Variants in CSMD1 observed in about 807,000 individuals in gnomAD.
CSMD1 encodes the protein CUB and sushi domain-containing protein 1.
In CSMD1, 213 loss-of-function variants were observed where a neutral mutation model predicts 417.5. The observed-to-expected ratio is 0.51, with a 90% CI of 0.46 to 0.57. The LOEUF (loss-of-function observed/expected upper bound fraction) is 0.57. Among genes scored for constraint, CSMD1 ranks in the 20% least tolerant of loss-of-function variants. The probability of loss-of-function intolerance (pLI) is 0.00; values close to 1 mark genes in which losing one functional copy is unlikely to be tolerated. For missense variants in CSMD1, 6,923 were observed against 4,529.7 expected (o/e 1.53, Z -15.17); for synonymous variants, 2,862 against 1,736.8 (o/e 1.65, Z -16.11).
intron 5 of CSMD1, among the ~76,000 whole-genome samples, chr8:3,824,794 A>T (rs1029584663): frequency 6.6e-6 from 1 of 152,122 alleles, no homozygotes; most frequent in Non-Finnish European, 1.5e-5. Flanking sequence ...CAGAGTTCTA[A>T]GGTCTAAACT....
intron 1 of CSMD1, among the ~76,000 whole-genome samples, chr8:4,961,510 C>T (rs1412694675): frequency 6.6e-6 from 1 of 152,052 alleles, no homozygotes; most frequent in Admixed American, 6.6e-5. Flanking sequence ...CAATAAGTAT[C>T]CATTAGTTTG....
intron 2 of CSMD1, among the ~76,000 whole-genome samples, chr8:4,464,453 G>T (rs185396761): frequency 6.6e-6 from 1 of 152,098 alleles, no homozygotes; most frequent in Non-Finnish European, 1.5e-5. Flanking sequence ...ACGCACATTA[G>T]CCTACAGCTG....
intron 23 of CSMD1, among the ~76,000 whole-genome samples, chr8:3,342,588 C>T (rs961293388): frequency 1.3e-5 from 2 of 152,166 alleles, no homozygotes; most frequent in Non-Finnish European, 2.9e-5. Context: ...CAAATTCCTA[C>T]TTTTGAAACA....
intron 26 of CSMD1, among the ~76,000 whole-genome samples, chr8:3,252,093 A>C (rs1012566925): frequency 6.6e-6 from 1 of 152,214 alleles, no homozygotes; most frequent in Non-Finnish European, 1.5e-5. Flanking sequence ...AACTTCCAAC[A>C]CTATGTTGAA....
At chr8:3,919,403 C>G (rs1809068805) in intron 5 of CSMD1, among the ~76,000 whole-genome samples, 1 of 152,046 alleles carries the variant, frequency 6.6e-6, no homozygotes, top group Non-Finnish European at 1.5e-5. Context: ...CTCTTTTCCC[C>G]CATTGTGTCT....
intron 3 of CSMD1, among the ~76,000 whole-genome samples, chr8:4,357,277 G>C (rs1046471341): frequency 1.3e-5 from 2 of 152,140 alleles, no homozygotes; most frequent in Non-Finnish European, 2.9e-5. Flanking sequence ...TAACCTTATA[G>C]ATCTCATCTG....
intron 1 of CSMD1, among the ~76,000 whole-genome samples, chr8:4,909,882 G>T (rs186300331): frequency 3.5e-4 from 54 of 152,202 alleles, no homozygotes; most frequent in East Asian, 3.3e-3. Flanking sequence ...ATTGATTTGG[G>T]GTTTGCCCAG....
chr8:4,317,134 A>G (rs1457427455), intron 3 of CSMD1, among the ~76,000 whole-genome samples: 1 of 152,160 alleles, frequency 6.6e-6, no homozygotes, highest in African/African-American at 2.4e-5. Context: ...ATCATCATCT[A>G]AGGTTGAATA....
chr8:3,205,003 A>C (rs940569098), intron 31 of CSMD1, among the ~76,000 whole-genome samples: 8 of 152,192 alleles, frequency 5.3e-5, no homozygotes, highest in African/African-American at 1.9e-4. Context: ...GGGAAACAGG[A>C]AGTCAGGGTT....
chr8:3,512,231 A>G (rs1798334042), intron 10 of CSMD1, among the ~76,000 whole-genome samples: 1 of 152,206 alleles, frequency 6.6e-6, no homozygotes, highest in African/African-American at 2.4e-5. Context: ...TCGCGGGTCC[A>G]CGTGCAGAAC....
At chr8:4,894,307 T>G (rs1447187186) in intron 1 of CSMD1, among the ~76,000 whole-genome samples, 2 of 152,090 alleles carry the variant, frequency 1.3e-5, no homozygotes, top group African/African-American at 4.8e-5. Flanking sequence ...TTTATATACA[T>G]TTTTCATTTT....
rs955171389 is a variant in CSMD1 at position 3,038,837 on chromosome 8, C to T, written c.7661-9324G>A. Among the ~76,000 whole-genome samples, 13 of 152,204 alleles carry T rather than the reference C, an allele frequency of 8.5e-5. No individual in the cohort carries two copies. The East Asian group carries it at 1.7e-3, about 20-fold the overall frequency. ...ACGACCTTAAACCTTAATGCTATTACGGATTTGGCACAGTTAGTGCCATGA... is the reference window on the plus strand; with the variant it reads ...ACGACCTTAAACCTTAATGCTATTATGGATTTGGCACAGTTAGTGCCATGA... On this transcript the variant is annotated intron_variant, in intron 50 of 69. Coordinates refer to ENST00000635120, the MANE Select transcript of CSMD1 (RefSeq NM_033225.6).
intron 5 of CSMD1, among the ~76,000 whole-genome samples, chr8:3,907,751 T>C (rs916892092): frequency 1.3e-5 from 2 of 152,188 alleles, no homozygotes; most frequent in Non-Finnish European, 2.9e-5. Context: ...GACCTGCCTG[T>C]GTCAGTCAGT....
intron 5 of CSMD1, among the ~76,000 whole-genome samples, chr8:3,969,623 G>T (rs573302686): frequency 4.1e-4 from 62 of 152,226 alleles, no homozygotes; most frequent in Non-Finnish European, 8.2e-4. Context: ...ATTAAATAAA[G>T]ATTTAAGAAA....
intron 10 of CSMD1, among the ~76,000 whole-genome samples, chr8:3,559,030 G>C (rs565638089): frequency 6.6e-6 from 1 of 152,340 alleles, no homozygotes; most frequent in East Asian, 1.9e-4. Flanking sequence ...TGTCATGAAA[G>C]ATTGGTGACA....
chr8:4,742,047 T>C (rs1373421036), intron 1 of CSMD1, among the ~76,000 whole-genome samples: 13 of 102,142 alleles, frequency 1.3e-4, no homozygotes, highest in African/African-American at 4.7e-4. Flanking sequence ...TTTTTTTTTT[T>C]TGAGACGGAG....
intron 10 of CSMD1, among the ~76,000 whole-genome samples, chr8:3,526,434 G>A (rs995659583): frequency 6.6e-6 from 1 of 152,036 alleles, no homozygotes; most frequent in Non-Finnish European, 1.5e-5. Context: ...TTAGTATGCA[G>A]TTTAGACACA....
chr8:4,570,640 G>C (rs918111342), intron 2 of CSMD1, among the ~76,000 whole-genome samples: 5 of 152,120 alleles, frequency 3.3e-5, no homozygotes, highest in Admixed American at 1.3e-4. Context: ...TTTGGTATTT[G>C]GATGATGCTG....
At chr8:2,943,268 C>T (rs181309363) in intron 68 of CSMD1, among the ~76,000 whole-genome samples, 4 of 151,084 alleles carry the variant, frequency 2.6e-5, no homozygotes, top group African/African-American at 7.3e-5. Flanking sequence ...CACCCTGTTG[C>T]CCAGGCTGGA....
Sources: gnomAD v4.1 joint callset for allele counts (sites outside exome capture counted in the v4.1 genomes callset) on GRCh38, gnomAD v4.1.1 for gene constraint, MANE v1.5 for transcripts, NCBI Gene and HGNC (gene_info 2026-07-23, HGNC 2026-07-21) for gene names.